Variants in PRKN observed in about 807,000 individuals in gnomAD.
PRKN encodes the protein parkin RBR E3 ubiquitin protein ligase.
A neutral mutation model predicts 59.5 loss-of-function variants in PRKN; 56 were observed. That is an observed-to-expected ratio of 0.94 (90% confidence interval 0.76 to 1.18). The LOEUF (loss-of-function observed/expected upper bound fraction) is 1.18, where lower values mean the gene tolerates loss of function less well. Ranked by LOEUF, PRKN falls within the 50% of genes most tolerant of loss-of-function variation. The pLI is 0.00. For missense variants in PRKN, 657 were observed against 596.4 expected (o/e 1.10, Z -1.06); for synonymous variants, 250 against 222.1 (o/e 1.13, Z -1.12).
At chr6:162,574,614 C>G (rs890969655) in intron 1 of PRKN, among the ~76,000 whole-genome samples, 1 of 152,142 alleles carries the variant, frequency 6.6e-6, no homozygotes, top group Non-Finnish European at 1.5e-5. Flanking sequence ...AGGCTAAATT[C>G]TCAAAATAGG....
At chr6:161,350,316 T>C in intron 11 of PRKN, 105 bp from the exon 12 acceptor site, 2 of 768,646 alleles carry the variant, frequency 2.6e-6, no homozygotes, top group Non-Finnish European at 4.5e-6. Flanking sequence ...TCTGAGCGAA[T>C]AATCACAAGC....
intron 1 of PRKN, among the ~76,000 whole-genome samples, chr6:162,488,281 C>T (rs1303887284): frequency 2.6e-5 from 4 of 151,924 alleles, no homozygotes; most frequent in East Asian, 3.9e-4. Context: ...TGTTTTAGGT[C>T]AAATTAAGGA....
At chr6:162,447,783 T>G (rs1790392936) in intron 1 of PRKN, among the ~76,000 whole-genome samples, 2 of 152,144 alleles carry the variant, frequency 1.3e-5, no homozygotes, top group African/African-American at 4.8e-5. Context: ...CCTCCTGCAC[T>G]GAGAAGAGCA....
chr6:162,383,503 G>A (rs566539985), intron 2 of PRKN, among the ~76,000 whole-genome samples: 5 of 152,158 alleles, frequency 3.3e-5, no homozygotes, highest in South Asian at 4.2e-4. Context: ...ATATTCACTC[G>A]AGTATGCCCT....
At chr6:161,556,844 C>T (rs529437049) in intron 8 of PRKN, among the ~76,000 whole-genome samples, 1 of 152,118 alleles carries the variant, frequency 6.6e-6, no homozygotes, top group Non-Finnish European at 1.5e-5. Flanking sequence ...AAAAATCACT[C>T]ATGCATGTTT....
intron 7 of PRKN, among the ~76,000 whole-genome samples, chr6:161,628,779 G>A (rs992374400): frequency 1.3e-5 from 2 of 152,232 alleles, no homozygotes; most frequent in Middle Eastern, 3.4e-3. Context: ...AGACAGAATC[G>A]CGCAGGGCTA....
intron 4 of PRKN, among the ~76,000 whole-genome samples, chr6:162,055,858 G>A (rs1777834981): frequency 6.6e-6 from 1 of 152,072 alleles, no homozygotes; most frequent in Admixed American, 6.5e-5. Flanking sequence ...TGCCGTGGGA[G>A]GTGGGCAGGG....
intron 5 of PRKN, among the ~76,000 whole-genome samples, chr6:161,984,123 A>G (rs1294215798): frequency 6.6e-6 from 1 of 152,096 alleles, no homozygotes; most frequent in Non-Finnish European, 1.5e-5. Context: ...TGTGACCACA[A>G]TGAGATACCT....
rs551614637 is a variant in PRKN at position 161,873,638 on chromosome 6, C to T, written c.735-87730G>A. Among the ~76,000 whole-genome samples, 3 of 151,860 alleles carry T rather than the reference C, an allele frequency of 2.0e-5. No homozygotes were observed. The East Asian group carries it at 5.8e-4, about 29-fold the overall frequency. On this transcript the variant is annotated intron_variant, in intron 6 of 11. Transcript: ENST00000366898. ...AACTACAAAATTAAAACAACAACAA[C>T]AACAAAACAAGTCTGCCAGTTGAGG...
At chr6:162,377,871 G>A (rs1786205118) in intron 2 of PRKN, among the ~76,000 whole-genome samples, 1 of 152,160 alleles carries the variant, frequency 6.6e-6, no homozygotes, top group South Asian at 2.1e-4. Flanking sequence ...TCATGCTTAA[G>A]GCAATGTGGA....
At chr6:161,412,274 T>TCACTCACTCATTCCTC (rs1787607976) in intron 9 of PRKN, among the ~76,000 whole-genome samples, 1 of 140,016 alleles carries the variant, frequency 7.1e-6, no homozygotes, top group African/African-American at 2.7e-5. Context: ...ACTTATTCCT[T>TCACTCACTCATTCCTC]CACTCACTCA....
At chr6:162,612,578 C>G (rs1306436960) in intron 1 of PRKN, among the ~76,000 whole-genome samples, 2 of 115,930 alleles carry the variant, frequency 1.7e-5, no homozygotes, top group Non-Finnish European at 3.4e-5. Flanking sequence ...GCCTGAGCAA[C>G]AAGAGTGAAA....
intron 5 of PRKN, among the ~76,000 whole-genome samples, chr6:161,992,520 A>G (rs947128680): frequency 4.6e-5 from 7 of 152,214 alleles, no homozygotes; most frequent in Admixed American, 1.3e-4. Context: ...GGGGGCTTCA[A>G]TGCCCCTATT....
rs1045565098 is a variant in PRKN at position 161,396,939 on chromosome 6, C to G, written c.1084-10062G>C. On this transcript the variant is annotated intron_variant, in intron 9 of 11. Coordinates refer to ENST00000366898, the MANE Select transcript of PRKN (RefSeq NM_004562.3). The surrounding 1 kb of genome is among the most constrained non-coding windows in gnomAD (Gnocchi z 5.4). ...GTTTTGCAGCTCCTCAATGATCAAT[C>G]AATCAATCAGTCAAAATGATACATT... Among the ~76,000 whole-genome samples the G allele has an allele frequency of 6.6e-6, 1 of 152,182 alleles. No individual in the cohort carries two copies. Among genetic ancestry groups the G allele is most frequent in the Non-Finnish European group, 1.5e-5 (1 of 68,034 alleles).
chr6:161,664,318 T>TG (rs1273759384), intron 7 of PRKN, among the ~76,000 whole-genome samples: 1 of 152,188 alleles, frequency 6.6e-6, no homozygotes, highest in African/African-American at 2.4e-5. Flanking sequence ...GGTCTTCCTG[T>TG]TACGGGAAAG....
chr6:162,234,474 G>C (rs1009690884), intron 3 of PRKN, among the ~76,000 whole-genome samples: 1 of 152,144 alleles, frequency 6.6e-6, no homozygotes, highest in African/African-American at 2.4e-5. Flanking sequence ...CTGAGGATCT[G>C]AGGAGGGTTG....
In PRKN at chr6:161,379,403, T is replaced by G. The variant is rs984634802; in HGVS notation, c.1167+7391A>C. ...AGCATGAGCTACATATAGTTTACCC[T>G]GCTAACCTTCCATTTGTACATTTCT... On this transcript the variant is annotated intron_variant, in intron 10 of 11. Coordinates refer to ENST00000366898, the MANE Select transcript of PRKN (RefSeq NM_004562.3). This position sits in a 1 kb window ranked among gnomAD's most constrained non-coding sequence, Gnocchi z 4.9. Among the ~76,000 whole-genome samples the G allele has an allele frequency of 1.1e-4, 17 of 152,182 alleles. No individual in the cohort carries two copies. Among genetic ancestry groups the G allele is most frequent in the African/African-American group, 4.1e-4 (17 of 41,438 alleles).
chr6:161,382,440 C>G (rs1399883415), intron 10 of PRKN, among the ~76,000 whole-genome samples: 1 of 152,194 alleles, frequency 6.6e-6, no homozygotes, highest in East Asian at 1.9e-4. Flanking sequence ...AAATTGATCT[C>G]TTCTGCGGCT....
intron 4 of PRKN, among the ~76,000 whole-genome samples, chr6:162,128,946 T>C (rs547072962): frequency 1.3e-5 from 2 of 152,290 alleles, no homozygotes; most frequent in Non-Finnish European, 2.9e-5. Context: ...AGCCACCCAA[T>C]TTGTGACATT....
Sources: gnomAD v4.1 joint callset for allele counts (sites outside exome capture counted in the v4.1 genomes callset) on GRCh38, gnomAD v4.1.1 for gene constraint, Gnocchi (gnomAD v3.1) non-coding constraint, MANE v1.5 for transcripts, NCBI Gene and HGNC (gene_info 2026-07-23, HGNC 2026-07-21) for gene names.